Variants in ABTB2 observed in about 807,000 individuals in gnomAD.
ABTB2 encodes the protein ankyrin repeat and BTB domain containing 2, also known as ankyrin repeat and BTB/POZ domain-containing protein 2.
A neutral mutation model predicts 104.1 loss-of-function variants in ABTB2; 56 were observed. The observed-to-expected ratio is 0.54, with a 90% CI of 0.43 to 0.67. The LOEUF (loss-of-function observed/expected upper bound fraction) is 0.67. Ranked by LOEUF, ABTB2 falls within the 30% of genes least tolerant of loss-of-function variation. ABTB2 has a pLI of 0.00. For synonymous variants in ABTB2, 606 were observed against 608.2 expected, an observed-to-expected ratio of 1.00 and a Z score of 0.05; for missense variants, 1,279 against 1,407.7, an observed-to-expected ratio of 0.91 and a Z score of 1.46.
At chr11:34,309,048 G>T (rs2133103852) in intron 1 of ABTB2, among the ~76,000 whole-genome samples, 1 of 152,264 alleles carries the variant, frequency 6.6e-6, no homozygotes, top group South Asian at 2.1e-4. Flanking sequence ...GGTCTGATAG[G>T]CTGAGATTTC....
In ABTB2 at chr11:34,154,212, C is replaced by T. The variant is rs111539738; in HGVS notation, c.2880+53G>A. 5.6e-6 allele frequency: 8 copies of T among 1,425,118 alleles called. No individual in the cohort carries two copies. Among genetic ancestry groups the T allele is most frequent in the Non-Finnish European group, 7.9e-6 (8 of 1,013,336 alleles). 88.3% of individuals were successfully genotyped at this position (1,425,118 alleles called of 1,614,324 possible). A position where few individuals can be genotyped will look rare whatever the true frequency, so the allele number is the denominator to read the frequency against. On this transcript the variant is annotated intron_variant, in intron 16 of 16. Transcript: ENST00000435224. The surrounding 1 kb of genome is among the most constrained non-coding windows in gnomAD (Gnocchi z 4.9). ...AGTGCAGCCACACGGCCGAGGCCCCCGTGGAGCAGAGCATGTGGTGGGAGG... is the reference window on the plus strand; with the variant it reads ...AGTGCAGCCACACGGCCGAGGCCCCTGTGGAGCAGAGCATGTGGTGGGAGG...
At chr11:34,190,228 T>G (rs1853155271) in intron 3 of ABTB2, among the ~76,000 whole-genome samples, 1 of 149,478 alleles carries the variant, frequency 6.7e-6, no homozygotes, top group African/African-American at 2.5e-5. Context: ...TAACAGAGTG[T>G]GACTCCATCC....
chr11:34,152,547 C>T lies in ABTB2; in HGVS notation c.2918G>A (p.Gly973Asp). 2 of 1,612,818 alleles carry T rather than the reference C, an allele frequency of 1.2e-6. No individual in the cohort carries two copies. Among genetic ancestry groups the T allele is most frequent in the African/African-American group, 1.3e-5 (1 of 74,994 alleles). The change falls in exon 17 of 17, where the codon GGC becomes GAC. Residue 973 changes from glycine to aspartate, a missense_variant. Physicochemically the swap from Gly to Asp is moderately conservative, Grantham distance 94. Coordinates refer to ENST00000435224, the MANE Select transcript of ABTB2 (RefSeq NM_145804.3). ...NAPELALFCEGFFLKHMKALL... is the reference protein window; with the variant it reads ...NAPELALFCEDFFLKHMKALL... Reference sequence around the variant, plus strand: ...GGCCTTCATGTGCTTGAGGAAGAAGCCCTCACAGAACAGGGCCAGTTCTGG... The same window carrying T: ...GGCCTTCATGTGCTTGAGGAAGAAGTCCTCACAGAACAGGGCCAGTTCTGG...
chr11:34,234,753 C>T (rs868484828), intron 1 of ABTB2, among the ~76,000 whole-genome samples: 4 of 152,242 alleles, frequency 2.6e-5, no homozygotes, highest in Non-Finnish European at 1.5e-5. Flanking sequence ...ATGCTACCTG[C>T]TCCTGCTTAA....
intron 3 of ABTB2, among the ~76,000 whole-genome samples, chr11:34,174,222 G>C (rs1852929281): frequency 6.6e-6 from 1 of 151,826 alleles, no homozygotes; most frequent in Admixed American, 6.5e-5. Flanking sequence ...CTACTCTGGA[G>C]GCTGAGGCAG....
intron 1 of ABTB2, among the ~76,000 whole-genome samples, chr11:34,343,444 AAGAC>A (rs201702276): frequency 7.5e-6 from 1 of 133,222 alleles, no homozygotes; most frequent in Non-Finnish European, 1.6e-5. Flanking sequence ...GTAGGGCCTT[AAGAC>A]AGACAGACAG....
intron 10 of ABTB2, among the ~76,000 whole-genome samples, chr11:34,162,201 G>A (rs970363631): frequency 3.9e-5 from 6 of 152,250 alleles, no homozygotes; most frequent in Admixed American, 1.3e-4. Context: ...AAGGTCAGCC[G>A]AGTGACAGGA....
At chr11:34,290,859 T>G (rs1295921069) in intron 1 of ABTB2, among the ~76,000 whole-genome samples, 1 of 152,226 alleles carries the variant, frequency 6.6e-6, no homozygotes, top group Non-Finnish European at 1.5e-5. Context: ...CAGCTTAAAC[T>G]ATTTCTCATG....
intron 1 of ABTB2, among the ~76,000 whole-genome samples, chr11:34,270,420 A>G (rs1590236016): frequency 6.7e-6 from 1 of 149,478 alleles, no homozygotes; most frequent in Non-Finnish European, 1.5e-5. Flanking sequence ...GCTCGCTGCA[A>G]CCTCCGCCTG....
chr11:34,227,932 G>A (rs1208132293), intron 1 of ABTB2, among the ~76,000 whole-genome samples: 7 of 120,286 alleles, frequency 5.8e-5, no homozygotes, highest in African/African-American at 1.3e-4. Flanking sequence ...ACAGGGTTTC[G>A]CAATGTTGGC....
chr11:34,154,667 A>T lies in ABTB2; in HGVS notation c.2766+34T>A, dbSNP rs2957525. 1 of 1,611,520 alleles carries T rather than the reference A, an allele frequency of 6.2e-7. No homozygotes were observed. The highest frequency in any genetic ancestry group is 8.5e-7 in the Non-Finnish European group (1 of 1,177,994). ...GGGAGACCGAGCCGCTGGGCACCCT[A>T]GCCCAGGCCCCCTCCCCCTCTCCCG... On this transcript the variant is annotated intron_variant, in intron 15 of 16. Coordinates refer to ENST00000435224, the MANE Select transcript of ABTB2 (RefSeq NM_145804.3). The surrounding 1 kb of genome is among the most constrained non-coding windows in gnomAD (Gnocchi z 4.9).
intron 2 of ABTB2, 47 bp from the exon 3 acceptor site, chr11:34,197,585 G>A: frequency 7.5e-7 from 1 of 1,334,654 alleles, no homozygotes; most frequent in Non-Finnish European, 1.0e-6. Flanking sequence ...AAAAAAAGAA[G>A]ACAAAGTCTG....
At chr11:34,222,730 G>T (rs1319911783) in intron 1 of ABTB2, among the ~76,000 whole-genome samples, 1 of 152,258 alleles carries the variant, frequency 6.6e-6, no homozygotes, top group Non-Finnish European at 1.5e-5. Flanking sequence ...AGGCACTGGA[G>T]ACCTCGGTGC....
chr11:34,240,842 G>A (rs536840905), intron 1 of ABTB2, among the ~76,000 whole-genome samples: 2 of 152,240 alleles, frequency 1.3e-5, no homozygotes, highest in East Asian at 1.9e-4. Context: ...TGATCCGCCC[G>A]CCTTGGCCTC....
intron 1 of ABTB2, among the ~76,000 whole-genome samples, chr11:34,253,828 C>T (rs1854086197): frequency 1.3e-5 from 2 of 152,162 alleles, no homozygotes; most frequent in African/African-American, 4.8e-5. Flanking sequence ...TCTTCATTCT[C>T]CCAAGGAAGG....
chr11:34,197,248 A>C, intron 3 of ABTB2, 77 bp downstream of exon 3: 1 of 1,487,752 alleles, frequency 6.7e-7, no homozygotes, highest in Non-Finnish European at 9.4e-7. Flanking sequence ...GTCAGTCGTC[A>C]GTCAGTGTCA....
intron 1 of ABTB2, among the ~76,000 whole-genome samples, chr11:34,302,623 CT>C (rs1854720041): frequency 6.6e-6 from 1 of 152,174 alleles, no homozygotes; most frequent in South Asian, 2.1e-4. Flanking sequence ...GGCTGTGGCC[CT>C]TGAATGAGTC....
At chr11:34,308,115 TAAC>T (rs1383582668) in intron 1 of ABTB2, among the ~76,000 whole-genome samples, 3 of 152,188 alleles carry the variant, frequency 2.0e-5, no homozygotes, top group African/African-American at 7.2e-5. Flanking sequence ...AAAACGGGGA[TAAC>T]AACAGTAGCT....
chr11:34,230,498 G>A (rs1364673520), intron 1 of ABTB2, among the ~76,000 whole-genome samples: 3 of 152,150 alleles, frequency 2.0e-5, no homozygotes, highest in Non-Finnish European at 4.4e-5. Context: ...ACACAGGATG[G>A]ACTCAAAAAT....
Sources: gnomAD v4.1 joint callset for allele counts (sites outside exome capture counted in the v4.1 genomes callset) on GRCh38, gnomAD v4.1.1 for gene constraint, Gnocchi (gnomAD v3.1) non-coding constraint, MANE v1.5 for transcripts, NCBI Gene and HGNC (gene_info 2026-07-23, HGNC 2026-07-21) for gene names.